The following SYBU variants were observed in gnomAD, a reference collection of about 807,000 sequenced individuals.
The protein encoded by SYBU is syntabulin, also known as GOLSYN A protein.
SYBU carries 21 observed loss-of-function variants against 35.9 expected under a neutral mutation model. The observed-to-expected ratio is 0.58, with a 90% CI of 0.41 to 0.84. The LOEUF is 0.84. Among genes scored for constraint, SYBU ranks in the 40% least tolerant of loss-of-function variants. The pLI, the probability that SYBU is intolerant of heterozygous loss-of-function variation, is 0.00. For synonymous variants in SYBU, 319 were observed against 324.3 expected (o/e 0.98, Z 0.18); for missense variants, 768 against 848.2 (o/e 0.91, Z 1.17).
chr8:109,613,060 C>T (rs1811369146), intron 3 of SYBU, among the ~76,000 whole-genome samples: 1 of 151,394 alleles, frequency 6.6e-6, no homozygotes, highest in Admixed American at 6.6e-5. Flanking sequence ...TTAGTGGTCT[C>T]TGTCTGCTCA....
At chr8:109,626,777 G>C (rs115048338) in intron 2 of SYBU, among the ~76,000 whole-genome samples, 2,179 of 152,242 alleles carry the variant, frequency 0.014, 53 homozygotes, top group African/African-American at 0.05. Flanking sequence ...GGGCATGATA[G>C]TGCATACCTG....
rs945434764 is a variant in SYBU, at chr8:109,575,566, C to T, written c.1332G>A (p.Glu444=). The change falls in exon 7 of 7, where the codon GAG becomes GAA. Residue 444 remains glutamate, a synonymous_variant. Coordinates refer to ENST00000276646, the MANE Select transcript of SYBU (RefSeq NM_001099754.2). ...ATTCTGTGGTGGTGGCTGTCACTAT[C>T]TCATCGAACAAATCTGTGCTGTTGG... ...SIANSTDLFD[E]IVTATTTESG... 1.2e-6 allele frequency: 2 copies of T among 1,614,180 alleles called. No individual in the cohort carries two copies. Among genetic ancestry groups the T allele is most frequent in the Non-Finnish European group, 1.7e-6 (2 of 1,180,020 alleles).
intron 1 of SYBU, among the ~76,000 whole-genome samples, chr8:109,655,534 A>G (rs1160637291): frequency 1.3e-5 from 2 of 152,212 alleles, no homozygotes; most frequent in African/African-American, 4.8e-5. Flanking sequence ...CATCCTATGT[A>G]TTATAAAATA....
At position 109,575,991 on chromosome 8, in the gene SYBU, T is replaced by A; in HGVS notation, c.907A>T (p.Lys303Ter). The change falls in exon 7 of 7, where the codon AAG becomes TAG. Residue 303 changes from lysine (K) to a stop codon, truncating the protein, a stop_gained. Transcript: ENST00000276646. LOFTEE classifies it low-confidence loss of function (END_TRUNC). ...HERESEIVEL[K>*]SQLARMREDW... ...TCTCGCATGCGGGCCAGCTGGGACTTAAGCTCCACGATTTCACTTTCCCTA... is the reference window on the plus strand; with the variant it reads ...TCTCGCATGCGGGCCAGCTGGGACTAAAGCTCCACGATTTCACTTTCCCTA... 6.3e-7 allele frequency: 1 copy of A among 1,592,870 alleles called. No individual in the cohort carries two copies. The highest frequency in any genetic ancestry group is 8.5e-7 in the Non-Finnish European group (1 of 1,174,352).
chr8:109,625,096 G>GA (rs1020481793), intron 2 of SYBU, among the ~76,000 whole-genome samples: 2 of 151,970 alleles, frequency 1.3e-5, no homozygotes. Context: ...TGTTAGAAAT[G>GA]AAAAGGGCAC....
intron 1 of SYBU, among the ~76,000 whole-genome samples, chr8:109,678,065 TG>T (rs1312669597): frequency 8.6e-6 from 1 of 115,640 alleles, no homozygotes; most frequent in African/African-American, 3.4e-5. Flanking sequence ...ACCCGGGAGG[TG>T]GGGGTCGCGG....
intron 3 of SYBU, among the ~76,000 whole-genome samples, chr8:109,617,978 C>G (rs1204238114): frequency 6.6e-6 from 1 of 152,134 alleles, no homozygotes; most frequent in Non-Finnish European, 1.5e-5. Flanking sequence ...AAAATAAAAC[C>G]ATCTGTAGCT....
rs566600241 is a variant in SYBU, at chr8:109,644,672, C to G, written c.-13G>C. 74 of 1,515,460 alleles carry G rather than the reference C, an allele frequency of 4.9e-5. No individual in the cohort carries two copies. In the African/African-American group the frequency reaches 9.7e-4, roughly 20 times the overall value. 93.9% of individuals were successfully genotyped at this position (1,515,460 alleles called of 1,614,324 possible). A position where few individuals can be genotyped will look rare whatever the true frequency, so the allele number is the denominator to read the frequency against. ...GGAGGGGCCCCATCGCGCCGCTGCC[C>G]GCCGGCTCCTCGCGCCGCCGCTGCC... On this transcript the variant is annotated 5_prime_UTR_variant, in exon 1 of 7. Transcript: ENST00000276646.
At chr8:109,627,900 C>G (rs571482055) in intron 2 of SYBU, among the ~76,000 whole-genome samples, 2 of 152,282 alleles carry the variant, frequency 1.3e-5, no homozygotes, top group African/African-American at 4.8e-5. Context: ...CAACAGCAAA[C>G]CTTGCATTTC....
chr8:109,682,220 T>C (rs2130785074), upstream of SYBU, among the ~76,000 whole-genome samples: 1 of 152,044 alleles, frequency 6.6e-6, no homozygotes, highest in East Asian at 1.9e-4. Context: ...GTTAAAACAG[T>C]TTGGAGGGCT....
intron 1 of SYBU, among the ~76,000 whole-genome samples, chr8:109,658,531 T>C (rs747574137): frequency 3.0e-4 from 45 of 152,360 alleles, no homozygotes; most frequent in Middle Eastern, 3.4e-3. Flanking sequence ...GGTATGTGAA[T>C]GAAGGACCTT....
At chr8:109,663,187 G>A (rs1040695759) in intron 1 of SYBU, among the ~76,000 whole-genome samples, 1 of 152,000 alleles carries the variant, frequency 6.6e-6, no homozygotes, top group African/African-American at 2.4e-5. Flanking sequence ...GAAACATAAA[G>A]AGACATAAAA....
chr8:109,628,142 A>T (rs1320109788), intron 2 of SYBU, among the ~76,000 whole-genome samples: 3 of 152,214 alleles, frequency 2.0e-5, no homozygotes, highest in Non-Finnish European at 4.4e-5. Flanking sequence ...AGACACTAAG[A>T]TCCTTGTTCT....
chr8:109,630,418 T>TATA (rs1447134130), intron 2 of SYBU, among the ~76,000 whole-genome samples: 4 of 150,234 alleles, frequency 2.7e-5, no homozygotes, highest in African/African-American at 4.9e-5. Context: ...AAACTTGAAG[T>TATA]ATAATAATAA....
At chr8:109,600,210 T>C (rs1220610196) in intron 3 of SYBU, among the ~76,000 whole-genome samples, 2 of 152,262 alleles carry the variant, frequency 1.3e-5, no homozygotes, top group East Asian at 3.8e-4. Flanking sequence ...GCTGTTGTTT[T>C]GAAATGTTAT....
chr8:109,576,721 G>A (rs1586714555), intron 6 of SYBU, among the ~76,000 whole-genome samples: 2 of 152,028 alleles, frequency 1.3e-5, no homozygotes, highest in East Asian at 3.9e-4. Context: ...CTATTTTTCA[G>A]ATCCTTCACA....
chr8:109,644,317 T>A lies in SYBU; in HGVS notation c.24+319A>T, dbSNP rs1586931642. 7.1e-6 allele frequency: 4 copies of A among 563,564 alleles called. No individual in the cohort carries two copies. In the East Asian group the frequency reaches 1.1e-4, roughly 15 times the overall value. The allele number at this position is 563,564 out of a possible 1,614,324, so 34.9% of individuals were successfully genotyped here. ...GGAGTCCTCTTTTCCCAGTCGCGGA[T>A]GCATCAAATTCCTTTCATTCACATC... On this transcript the variant is annotated intron_variant, in intron 1 of 6. Coordinates refer to ENST00000276646, the MANE Select transcript of SYBU (RefSeq NM_001099754.2).
intron 1 of SYBU, chr8:109,680,095 A>T (rs1416798808): frequency 6.6e-6 from 1 of 152,260 alleles, no homozygotes; most frequent in African/African-American, 2.4e-5. Flanking sequence ...CTACAGACGT[A>T]TTCAATTTGT....
upstream of SYBU, among the ~76,000 whole-genome samples, chr8:109,684,882 G>T (rs1477916151): frequency 6.6e-6 from 1 of 152,088 alleles, no homozygotes; most frequent in Admixed American, 6.6e-5. Context: ...CTATGAAGAG[G>T]GAGGAAAATG....
Sources: gnomAD v4.1 joint callset for allele counts (sites outside exome capture counted in the v4.1 genomes callset) on GRCh38, gnomAD v4.1.1 for gene constraint, MANE v1.5 for transcripts, NCBI Gene and HGNC (gene_info 2026-07-23, HGNC 2026-07-21) for gene names.